The following ARID5A variants were observed in gnomAD, a reference collection of about 807,000 sequenced individuals.
The protein encoded by ARID5A is AT-rich interaction domain 5A.
In ARID5A, 14 loss-of-function variants were observed where a neutral mutation model predicts 30.5. The observed-to-expected ratio is 0.46, with a 90% CI of 0.30 to 0.72. ARID5A has a LOEUF of 0.72. ARID5A is among the 30% of genes least tolerant of loss of function. The pLI, the probability that ARID5A is intolerant of heterozygous loss-of-function variation, is 0.07. For synonymous variants in ARID5A, 338 were observed against 340.4 expected (o/e 0.99, Z 0.08); for missense variants, 669 against 786.2 (o/e 0.85, Z 1.78).
Position 96,550,737 on chromosome 2 carries a change from G to A in ARID5A, c.570+4G>A. On this transcript the variant is annotated splice_donor_region_variant and intron_variant, in intron 6 of 6. Transcript: ENST00000357485. The surrounding 1 kb of genome is among the most constrained non-coding windows in gnomAD (Gnocchi z 6.6). ...GGAGGAGCGGCGCATGGACCAGGTAGGCCTGCGGCTGGCTGGGGCCACCCT... is the reference window on the plus strand; with the variant it reads ...GGAGGAGCGGCGCATGGACCAGGTAAGCCTGCGGCTGGCTGGGGCCACCCT... The A allele has an allele frequency of 1.3e-6, 2 of 1,557,742 alleles. No individual in the cohort carries two copies. The highest frequency in any genetic ancestry group is 1.7e-6 in the Non-Finnish European group (2 of 1,152,292).
rs1022746836 is a variant in ARID5A at position 96,539,499 on chromosome 2, G to A, written c.4+2669G>A. On this transcript the variant is annotated intron_variant, in intron 1 of 6. Transcript: ENST00000357485. The surrounding 1 kb of genome is among the most constrained non-coding windows in gnomAD (Gnocchi z 4.7). The stretch of plus-strand genomic sequence containing the variant: ...GCCTTTGCATACCTGCCTTTGCTTC[G>A]CCAGGTTGGTTGGGCCCTGGCCAGA... Among the ~76,000 whole-genome samples, 6 of 152,200 alleles carry A rather than the reference G, an allele frequency of 3.9e-5. No homozygotes were observed. The highest frequency in any genetic ancestry group is 8.8e-5 in the Non-Finnish European group (6 of 68,042).
In ARID5A at chr2:96,537,435, A is replaced by G. The variant is rs1367724066; in HGVS notation, c.4+605A>G. On this transcript the variant is annotated intron_variant, in intron 1 of 6. Coordinates refer to ENST00000357485, the MANE Select transcript of ARID5A (RefSeq NM_212481.3). This position sits in a 1 kb window ranked among gnomAD's most constrained non-coding sequence, Gnocchi z 4.8. ...CCTCTTTCGGCCGCGGGCTGCGCCG[A>G]TGGTCCGGGGAGCCCGGCTTCTCGC... The G allele has an allele frequency of 6.6e-6, 1 of 152,362 alleles. No homozygotes were observed. The highest frequency in any genetic ancestry group is 1.5e-5 in the Non-Finnish European group (1 of 68,200). 9.4% of individuals were successfully genotyped at this position (152,362 alleles called of 1,614,324 possible). A position where few individuals can be genotyped will look rare whatever the true frequency, so the allele number is the denominator to read the frequency against.
chr2:96,550,991 G>T lies in ARID5A; in HGVS notation c.571-108G>T, dbSNP rs1042699753. The T allele has an allele frequency of 2.2e-6, 3 of 1,344,516 alleles. No individual in the cohort carries two copies. Among genetic ancestry groups the T allele is most frequent in the Non-Finnish European group, 3.1e-6 (3 of 981,534 alleles). The allele number at this position is 1,344,516 out of a possible 1,614,324, so 83.3% of individuals were successfully genotyped here. A position where few individuals can be genotyped will look rare whatever the true frequency, so the allele number is the denominator to read the frequency against. On this transcript the variant is annotated intron_variant, in intron 6 of 6. Transcript: ENST00000357485. The surrounding 1 kb of genome is among the most constrained non-coding windows in gnomAD (Gnocchi z 6.6). ...TTTGGAAAATTCTGTACAGAGGACTGCAGGGGCTGGCGGGGGACCTGGGCA... is the reference window on the plus strand; with the variant it reads ...TTTGGAAAATTCTGTACAGAGGACTTCAGGGGCTGGCGGGGGACCTGGGCA...
Position 96,552,328 on chromosome 2 carries a change from T to G in ARID5A, c.*15T>G. On this transcript the variant is annotated 3_prime_UTR_variant, in exon 7 of 7. Coordinates refer to ENST00000357485, the MANE Select transcript of ARID5A (RefSeq NM_212481.3). Reference sequence around the variant, plus strand: ...CCAAGCTGTAGGCCAGCCCATGGTGTTGTGTACACTGTGGAGTCGACAGGG... The same window carrying G: ...CCAAGCTGTAGGCCAGCCCATGGTGGTGTGTACACTGTGGAGTCGACAGGG... The G allele has an allele frequency of 1.9e-6, 3 of 1,613,250 alleles. No homozygotes were observed. Among genetic ancestry groups the G allele is most frequent in the Non-Finnish European group, 2.5e-6 (3 of 1,180,000 alleles).
At chr2:96,548,971 G>A (rs941037406) in intron 2 of ARID5A, among the ~76,000 whole-genome samples, 2 of 152,234 alleles carry the variant, frequency 1.3e-5, no homozygotes, top group African/African-American at 2.4e-5. Context: ...CTAGTCTGGC[G>A]GAGGAGCTGA....
Position 96,539,613 on chromosome 2 carries a change from A to G in ARID5A, c.4+2783A>G, listed in dbSNP as rs986619432. Among the ~76,000 whole-genome samples, 1 of 152,166 alleles carries G rather than the reference A, an allele frequency of 6.6e-6. No homozygotes were observed. The highest frequency in any genetic ancestry group is 1.5e-5 in the Non-Finnish European group (1 of 68,032). On this transcript the variant is annotated intron_variant, in intron 1 of 6. Coordinates refer to ENST00000357485, the MANE Select transcript of ARID5A (RefSeq NM_212481.3). This position sits in a 1 kb window ranked among gnomAD's most constrained non-coding sequence, Gnocchi z 4.7. ...AACAGGTCTTTCCTCCTTCCTCAAG[A>G]TTATGGAGATAACACCCCTTATTCA...
Position 96,549,817 on chromosome 2 carries a change from A to G in ARID5A, c.312+12A>G. ...GGGCCTATGAGCTGGTAAGGAAGGCACCTCCCAGTCCTTGCCAAACTGCAT... is the reference window on the plus strand; with the variant it reads ...GGGCCTATGAGCTGGTAAGGAAGGCGCCTCCCAGTCCTTGCCAAACTGCAT... On this transcript the variant is annotated intron_variant, in intron 4 of 6. Transcript: ENST00000357485. This position sits in a 1 kb window ranked among gnomAD's most constrained non-coding sequence, Gnocchi z 6.1. 6.2e-7 allele frequency: 1 copy of G among 1,610,376 alleles called. No individual in the cohort carries two copies. Among genetic ancestry groups the G allele is most frequent in the Non-Finnish European group, 8.5e-7 (1 of 1,178,288 alleles).
Position 96,551,775 on chromosome 2 carries a change from G to C in ARID5A, c.1247G>C (p.Cys416Ser). 1 of 1,537,228 alleles carries C rather than the reference G, an allele frequency of 6.5e-7. No individual in the cohort carries two copies. The highest frequency in any genetic ancestry group is 8.7e-7 in the Non-Finnish European group (1 of 1,146,712). The change falls in exon 7 of 7, where the codon TGC becomes TCC. Residue 416 changes from cysteine (C) to serine (S), a missense_variant. Physicochemically the swap from Cys to Ser is moderately radical, Grantham distance 112. Coordinates refer to ENST00000357485, the MANE Select transcript of ARID5A (RefSeq NM_212481.3). ...ATCCTCTACCCCAAGCCCAAAGCCT[G>C]CTGGGTGTCCCCCATGGCCAAGGTC... Reference protein sequence around the residue: ...KGILYPKPKACWVSPMAKVPA... With the variant: ...KGILYPKPKASWVSPMAKVPA...
Position 96,550,404 on chromosome 2 carries a change from G to GC in ARID5A, c.410+120dup. The GC allele has an allele frequency of 7.0e-7, 1 of 1,433,044 alleles. No homozygotes were observed. Among genetic ancestry groups the GC allele is most frequent in the Non-Finnish European group, 9.1e-7 (1 of 1,096,242 alleles). 88.8% of individuals were successfully genotyped at this position (1,433,044 alleles called of 1,614,324 possible). On this transcript the variant is annotated intron_variant, in intron 5 of 6. Coordinates refer to ENST00000357485, the MANE Select transcript of ARID5A (RefSeq NM_212481.3). The surrounding 1 kb of genome is among the most constrained non-coding windows in gnomAD (Gnocchi z 6.6). ...GGGCAGGGTATGCGCCGTCCTCAGA[G>GC]CTGCGGGAGCCCAGGCTGGCTGGGC...
rs150763874 is a variant in ARID5A at position 96,550,662 on chromosome 2, A to G, written c.499A>G (p.Lys167Glu). ...SKPRKQYKMAKENRGDDGATE... is the reference protein window; with the variant it reads ...SKPRKQYKMAEENRGDDGATE... ...GCCCAGGAAACAGTACAAGATGGCT[A>G]AGGAGAACAGGGGGGATGATGGGGC... Residue 167 changes from lysine (K) to glutamate (E), a missense_variant, in exon 6 of 7, where the codon AAG (lysine) becomes GAG (glutamate). By Grantham distance (56) the Lys-to-Glu change is moderately conservative. This residue lies in a region of ARID5A where 548 missense variants were observed against 577.4 expected (regional missense o/e 0.95). Coordinates refer to ENST00000357485, the MANE Select transcript of ARID5A (RefSeq NM_212481.3). The surrounding 1 kb of genome is among the most constrained non-coding windows in gnomAD (Gnocchi z 6.6). 69 of 1,605,152 alleles carry G rather than the reference A, an allele frequency of 4.3e-5. No individual in the cohort carries two copies. In the African/African-American group the frequency reaches 7.6e-4, roughly 18 times the overall value.
In ARID5A at chr2:96,552,336, A is replaced by G. The variant is rs1211490038; in HGVS notation, c.*23A>G. 2 of 1,613,182 alleles carry G rather than the reference A, an allele frequency of 1.2e-6. No individual in the cohort carries two copies. Among genetic ancestry groups the G allele is most frequent in the Admixed American group, 1.7e-5 (1 of 60,026 alleles). ...TAGGCCAGCCCATGGTGTTGTGTAC[A>G]CTGTGGAGTCGACAGGGGCCTACAA... On this transcript the variant is annotated 3_prime_UTR_variant, in exon 7 of 7. Transcript: ENST00000357485.
intron 2 of ARID5A, among the ~76,000 whole-genome samples, chr2:96,548,603 C>T (rs1014478379): frequency 1.3e-5 from 2 of 152,198 alleles, no homozygotes; most frequent in African/African-American, 2.4e-5. Context: ...TGGCTGTCTG[C>T]GCTGTCCTAG....
At position 96,551,912 on chromosome 2, in the gene ARID5A, G is replaced by T. The variant is rs777135656; in HGVS notation, c.1384G>T (p.Val462Leu). 3.3e-6 allele frequency: 5 copies of T among 1,533,186 alleles called. No individual in the cohort carries two copies. The highest frequency in any genetic ancestry group is 4.4e-6 in the Non-Finnish European group (5 of 1,141,768). 95.0% of individuals were successfully genotyped at this position (1,533,186 alleles called of 1,614,324 possible). The change falls in exon 7 of 7, where the codon GTG becomes TTG. Residue 462 changes from valine to leucine, a missense_variant. This residue lies in a region of ARID5A where 548 missense variants were observed against 577.4 expected (regional missense o/e 0.95). Transcript: ENST00000357485. ...AAHSGKRLRA[V>L]SPFLKEADAK... is the part of the protein sequence containing the mutation. ...CCACAGTGGGAAGAGACTGCGGGCC[G>T]TGTCTCCCTTTCTTAAGGAGGCGGA... is the stretch of plus-strand genomic sequence containing the variant.
intron 2 of ARID5A, among the ~76,000 whole-genome samples, chr2:96,548,273 T>C (rs962740874): frequency 1.4e-5 from 2 of 139,452 alleles, no homozygotes; most frequent in African/African-American, 4.9e-5. Context: ...GAATCAATTA[T>C]TATTTTTTTT....
chr2:96,538,639 G>C (rs1186519342), intron 1 of ARID5A, among the ~76,000 whole-genome samples: 1 of 152,078 alleles, frequency 6.6e-6, no homozygotes, highest in Non-Finnish European at 1.5e-5. Flanking sequence ...CGCCGCTCCC[G>C]GGCTGCCGAG....
In ARID5A at chr2:96,552,291, TCC is replaced by T; in HGVS notation, c.1764_1765del (p.Phe588LeufsTer35). The T allele has an allele frequency of 6.2e-7, 1 of 1,613,118 alleles. No individual in the cohort carries two copies. The highest frequency in any genetic ancestry group is 1.1e-5 in the South Asian group (1 of 91,056). ...ACAACCTATGCAGCGCCCCACTTCT[TCC>T]ACCTCAACACCAAGCTGTAGGCCAG... On this transcript the variant is annotated frameshift_variant, in exon 7 of 7. Coordinates refer to ENST00000357485, the MANE Select transcript of ARID5A (RefSeq NM_212481.3). LOFTEE classifies it high-confidence loss of function.
At position 96,550,743 on chromosome 2, in the gene ARID5A, C is replaced by T. The variant is rs377372638; in HGVS notation, c.570+10C>T. 3.2e-6 allele frequency: 5 copies of T among 1,546,494 alleles called. No individual in the cohort carries two copies. The highest frequency in any genetic ancestry group is 1.4e-5 in the African/African-American group (1 of 72,696). On this transcript the variant is annotated intron_variant, in intron 6 of 6. Transcript: ENST00000357485. The surrounding 1 kb of genome is among the most constrained non-coding windows in gnomAD (Gnocchi z 6.6). ...GCGGCGCATGGACCAGGTAGGCCTGCGGCTGGCTGGGGCCACCCTGTCCCT... is the reference window on the plus strand; with the variant it reads ...GCGGCGCATGGACCAGGTAGGCCTGTGGCTGGCTGGGGCCACCCTGTCCCT...
rs1160471594 is a variant in ARID5A, at chr2:96,550,318, G to T, written c.410+33G>T. 4 of 1,428,060 alleles carry T rather than the reference G, an allele frequency of 2.8e-6. No individual in the cohort carries two copies. The highest frequency in any genetic ancestry group is 2.6e-4 in the Middle Eastern group (1 of 3,908). 88.5% of individuals were successfully genotyped at this position (1,428,060 alleles called of 1,614,324 possible). The stretch of plus-strand genomic sequence containing the variant: ...GGGGCGGGCCCGGGTGCTGGACGCC[G>T]CCTACCCTGCGGGGCTTTGGCCGAC... On this transcript the variant is annotated intron_variant, in intron 5 of 6. Transcript: ENST00000357485. The surrounding 1 kb of genome is among the most constrained non-coding windows in gnomAD (Gnocchi z 6.6).
rs1378249777 is a variant in ARID5A at position 96,539,875 on chromosome 2, C to G, written c.4+3045C>G. The stretch of plus-strand genomic sequence containing the variant: ...TGCACATCTACTTGGGGAAAGGGGA[C>G]AAGTTTGCATCCTCTGAGCACAGAT... On this transcript the variant is annotated intron_variant, in intron 1 of 6. Coordinates refer to ENST00000357485, the MANE Select transcript of ARID5A (RefSeq NM_212481.3). The surrounding 1 kb of genome is among the most constrained non-coding windows in gnomAD (Gnocchi z 4.7). Among the ~76,000 whole-genome samples, 1 of 152,174 alleles carries G rather than the reference C, an allele frequency of 6.6e-6. No individual in the cohort carries two copies. Among genetic ancestry groups the G allele is most frequent in the Non-Finnish European group, 1.5e-5 (1 of 68,044 alleles).
Sources: gnomAD v4.1 joint callset for allele counts (sites outside exome capture counted in the v4.1 genomes callset) on GRCh38, gnomAD v4.1.1 for gene constraint, gnomAD v4.1.1 regional missense constraint, Gnocchi (gnomAD v3.1) non-coding constraint, MANE v1.5 for transcripts, NCBI Gene and HGNC (gene_info 2026-07-23, HGNC 2026-07-21) for gene names.